Variants in NELFA observed in about 807,000 individuals in gnomAD.
NELFA encodes the protein negative elongation factor complex member A.
A neutral mutation model predicts 51.8 loss-of-function variants in NELFA; 35 were observed. The observed-to-expected ratio is 0.68, with a 90% CI of 0.52 to 0.90. The LOEUF (loss-of-function observed/expected upper bound fraction) is 0.90, where lower values mean the gene tolerates loss of function less well. Among genes scored for constraint, NELFA ranks in the 40% least tolerant of loss-of-function variants. The pLI is 0.00. For missense variants in NELFA, 658 were observed against 746.4 expected (o/e 0.88, Z 1.38); for synonymous variants, 417 against 338.4 (o/e 1.23, Z -2.55).
chr4:1,988,924 C>T (rs1046998795), intron 3 of NELFA, among the ~76,000 whole-genome samples: 1 of 150,566 alleles, frequency 6.6e-6, no homozygotes, highest in Non-Finnish European at 1.5e-5. Flanking sequence ...GATGCCTTCA[C>T]CTAAAATTCT....
rs1476885868 is a variant in NELFA, at chr4:1,992,420, T to A, written c.211-705A>T. 9.9e-6 allele frequency: 4 copies of A among 402,594 alleles called. No individual in the cohort carries two copies. In the Admixed American group the frequency reaches 1.1e-4, roughly 12 times the overall value. 24.9% of individuals were successfully genotyped at this position (402,594 alleles called of 1,614,324 possible). A position where few individuals can be genotyped will look rare whatever the true frequency, so the allele number is the denominator to read the frequency against. On this transcript the variant is annotated intron_variant, in intron 1 of 10. Transcript: ENST00000382882. ...CTCAATACCTGGGAGGCCAGATCCA[T>A]CCACACCAGGGCCTGCTTCGGCCAC... is the stretch of plus-strand genomic sequence containing the variant.
At chr4:2,007,497 C>T (rs948532721) in intron 1 of NELFA, among the ~76,000 whole-genome samples, 8 of 152,194 alleles carry the variant, frequency 5.3e-5, no homozygotes, top group African/African-American at 1.7e-4. Context: ...ACGGCGTCGA[C>T]CAAAAAGACA....
intron 1 of NELFA, among the ~76,000 whole-genome samples, chr4:1,999,778 C>G (rs1434644765): frequency 6.6e-6 from 1 of 152,190 alleles, no homozygotes; most frequent in Non-Finnish European, 1.5e-5. Context: ...AACTCTGGAT[C>G]AAGTGGACCT....
At chr4:2,006,939 T>A (rs575204693) in intron 1 of NELFA, 2 of 154,936 alleles carry the variant, frequency 1.3e-5, no homozygotes, top group African/African-American at 4.8e-5. Flanking sequence ...AAAGCAGATT[T>A]GAATATACAA....
chr4:1,986,803 C>G (rs1479576183), intron 4 of NELFA, among the ~76,000 whole-genome samples: 10 of 152,154 alleles, frequency 6.6e-5, no homozygotes, highest in Non-Finnish European at 1.3e-4. Flanking sequence ...TGAGGCCTAC[C>G]TACGCTGTTA....
chr4:2,004,136 C>G (rs1247027226), intron 1 of NELFA: 1 of 149,456 alleles, frequency 6.7e-6, no homozygotes, highest in Non-Finnish European at 1.5e-5. Context: ...TCCAGCCTGG[C>G]GACAGGGCAA....
Position 1,982,783 on chromosome 4 carries a change from A to ATTGT in NELFA, c.*535_*536insACAA, listed in dbSNP as rs1727924542. 1 of 149,964 alleles carries ATTGT rather than the reference A, an allele frequency of 6.7e-6. No homozygotes were observed. Among genetic ancestry groups the ATTGT allele is most frequent in the Non-Finnish European group, 1.5e-5 (1 of 66,528 alleles). 9.3% of individuals were successfully genotyped at this position (149,964 alleles called of 1,614,324 possible). A position where few individuals can be genotyped will look rare whatever the true frequency, so the allele number is the denominator to read the frequency against. ...AGTTTTACAATGAAAATAGGTACCC[A>ATTGT]AAGACTGTCTTAAATGTCCACAACT... On this transcript the variant is annotated 3_prime_UTR_variant, in exon 11 of 11. Coordinates refer to ENST00000382882, the MANE Select transcript of NELFA (RefSeq NM_005663.5).
intron 1 of NELFA, among the ~76,000 whole-genome samples, chr4:2,004,640 G>C (rs898546077): frequency 6.7e-6 from 1 of 149,570 alleles, no homozygotes; most frequent in African/African-American, 2.5e-5. Context: ...GCCATGTGCC[G>C]CCACCCCTGG....
chr4:1,995,878 T>C lies in NELFA; in HGVS notation c.211-4163A>G, dbSNP rs531628705. ...GATCAACAAATCCTCTTCTCACTGATTTTTTTTTTTTTTTTTAAACCAAGC... is the reference window on the plus strand; with the variant it reads ...GATCAACAAATCCTCTTCTCACTGACTTTTTTTTTTTTTTTTAAACCAAGC... On this transcript the variant is annotated intron_variant, in intron 1 of 10. Transcript: ENST00000382882. Among the ~76,000 whole-genome samples the C allele has an allele frequency of 9.3e-3, 668 of 71,778 alleles. 1 individual carries two copies. The highest frequency in any genetic ancestry group is 0.014 in the Non-Finnish European group (479 of 34,032). 47.1% of individuals were successfully genotyped at this position (71,778 alleles called of 152,430 possible).
At position 1,986,278 on chromosome 4, in the gene NELFA, A is replaced by G. The variant is rs1185826756; in HGVS notation, c.759T>C (p.Gly253=). The change falls in exon 5 of 11, where the codon GGT becomes GGC. Residue 253 remains glycine (G), a synonymous_variant. Transcript: ENST00000382882. ...PSRTLLRKER[G]VKLLDISELD... Reference sequence around the variant, plus strand: ...AGCTGGGGGACGGGCCTACCTTCACACCTCGTTCCTTCCGCAGCAGCGTCC... The same window carrying G: ...AGCTGGGGGACGGGCCTACCTTCACGCCTCGTTCCTTCCGCAGCAGCGTCC... 6.3e-7 allele frequency: 1 copy of G among 1,579,794 alleles called. No homozygotes were observed. The highest frequency in any genetic ancestry group is 2.3e-5 in the East Asian group (1 of 42,778).
In NELFA at chr4:2,003,158, C is replaced by T. The variant is rs370582964; in HGVS notation, c.210+5592G>A. On this transcript the variant is annotated intron_variant, in intron 1 of 10. Transcript: ENST00000382882. ...TACGTCACTGATCATCAGAGAAATG[C>T]AAATCAAAACCACAATGAGATACCA... Among the ~76,000 whole-genome samples the T allele has an allele frequency of 2.6e-5, 4 of 152,216 alleles. No homozygotes were observed. The South Asian group carries it at 8.3e-4, about 32-fold the overall frequency.
intron 1 of NELFA, chr4:1,992,091 G>T: frequency 4.5e-6 from 1 of 224,498 alleles, no homozygotes; most frequent in Non-Finnish European, 8.9e-6. Context: ...AAATCCTGGG[G>T]ATGAGGGGCG....
intron 1 of NELFA, among the ~76,000 whole-genome samples, chr4:2,000,005 C>T (rs1230167063): frequency 6.6e-6 from 1 of 152,142 alleles, no homozygotes; most frequent in Non-Finnish European, 1.5e-5. Flanking sequence ...AATTGAACAA[C>T]CTGCTCCTGA....
chr4:1,986,460 C>CG (rs1198380465), intron 4 of NELFA, 58 bp from the exon 5 acceptor site: 3 of 1,596,656 alleles, frequency 1.9e-6, no homozygotes, highest in African/African-American at 3.0e-5. Flanking sequence ...GTCCCCCACC[C>CG]CGAGCTCAGA....
intron 2 of NELFA, 47 bp downstream of exon 2, chr4:1,991,497 A>G: frequency 6.3e-7 from 1 of 1,582,924 alleles, no homozygotes; most frequent in Non-Finnish European, 8.6e-7. Flanking sequence ...TTTTCAAGAA[A>G]GATCCATTTC....
In NELFA at chr4:1,991,621, T is replaced by A. The variant is rs144380028; in HGVS notation, c.305A>T (p.Asp102Val). 27 of 1,613,856 alleles carry A rather than the reference T, an allele frequency of 1.7e-5. No homozygotes were observed. Among genetic ancestry groups the A allele is most frequent in the Admixed American group, 3.3e-5 (2 of 59,958 alleles). ...CAGCTCCAGGTTAAGCGAGCCTGTGTCCGGAAAGGACTTCAAGATGTCGGC... is the reference window on the plus strand; with the variant it reads ...CAGCTCCAGGTTAAGCGAGCCTGTGACCGGAAAGGACTTCAAGATGTCGGC... ...MVADILKSFP[D>V]TGSLNLELEE... Residue 102 changes from aspartate to valine, a missense_variant, in exon 2 of 11, where the codon GAC (aspartate) becomes GTC (valine). This residue lies in a region of NELFA where 371 missense variants were observed against 448.3 expected (regional missense o/e 0.83). Coordinates refer to ENST00000382882, the MANE Select transcript of NELFA (RefSeq NM_005663.5).
At chr4:1,985,620 C>G (rs1328267230) in intron 7 of NELFA, among the ~76,000 whole-genome samples, 156 bp downstream of exon 7, 1 of 152,216 alleles carries the variant, frequency 6.6e-6, no homozygotes, top group East Asian at 1.9e-4. Flanking sequence ...CCCACACTGC[C>G]TCTCATGTAC....
Position 1,989,776 on chromosome 4 carries a change from G to T in NELFA, c.476C>A (p.Pro159Gln). The change falls in exon 3 of 11, where the codon CCG (proline) becomes CAG (glutamine). Residue 159 changes from proline (P) to glutamine (Q), a missense_variant. This residue lies in a region of NELFA where 371 missense variants were observed against 448.3 expected (regional missense o/e 0.83). Transcript: ENST00000382882. The surrounding 1 kb of genome is among the most constrained non-coding windows in gnomAD (Gnocchi z 4.8). ...LTTLAGPLTP[P>Q]VKHFQLKRKP... Reference sequence around the variant, plus strand: ...CCGCTTTAACTGAAAATGCTTCACCGGGGGAGTGAGGGGTCCCGCGAGGGT... The same window carrying T: ...CCGCTTTAACTGAAAATGCTTCACCTGGGGAGTGAGGGGTCCCGCGAGGGT... 1 of 1,614,138 alleles carries T rather than the reference G, an allele frequency of 6.2e-7. No individual in the cohort carries two copies. Among genetic ancestry groups the T allele is most frequent in the Non-Finnish European group, 8.5e-7 (1 of 1,180,020 alleles).
rs181506185 is a variant in NELFA, at chr4:1,986,012, C to T, written c.835+102G>A. 365 of 1,407,296 alleles carry T rather than the reference C, an allele frequency of 2.6e-4. 4 individuals are homozygous for T. In the African/African-American group the frequency reaches 4.1e-3, roughly 16 times the overall value. 87.2% of individuals were successfully genotyped at this position (1,407,296 alleles called of 1,614,324 possible). On this transcript the variant is annotated intron_variant, in intron 6 of 10. Transcript: ENST00000382882. ...CACCCACCCACGGAGAGCAGCCTCA[C>T]GGGGCACAGCCCTGCCCGCCGAGCG... is the stretch of plus-strand genomic sequence containing the variant.
Sources: gnomAD v4.1 joint callset for allele counts (sites outside exome capture counted in the v4.1 genomes callset) on GRCh38, gnomAD v4.1.1 for gene constraint, gnomAD v4.1.1 regional missense constraint, Gnocchi (gnomAD v3.1) non-coding constraint, MANE v1.5 for transcripts, NCBI Gene and HGNC (gene_info 2026-07-23, HGNC 2026-07-21) for gene names.